The following MYPOP variants were observed in gnomAD, a reference collection of about 807,000 sequenced individuals.
The protein encoded by MYPOP is myb-related transcription factor, partner of profilin.
A neutral mutation model predicts 25.7 loss-of-function variants in MYPOP; 21 were observed. The ratio of observed to expected loss-of-function variants is 0.82; its 90% confidence interval spans 0.58 to 1.18. The LOEUF is 1.18. MYPOP is among the 50% of genes most tolerant of loss of function. MYPOP has a pLI of 0.00. For synonymous variants in MYPOP, 280 were observed against 247.9 expected (o/e 1.13, Z -1.22); for missense variants, 566 against 588.3 (o/e 0.96, Z 0.39).
intron 2 of MYPOP, among the ~76,000 whole-genome samples, chr19:45,895,269 G>A (rs190594072): frequency 1.3e-5 from 2 of 151,508 alleles, no homozygotes; most frequent in East Asian, 2.0e-4. Flanking sequence ...TTTTTGAGAC[G>A]GACTCTCATT....
Position 45,901,763 on chromosome 19 carries a change from G to A in MYPOP, c.11C>T (p.Ala4Val). ...GGTTTCCTCCGCTTCGCCCGCCGCC[G>A]CCGAGGCCATGGCGCCCCCCGACGC... is the stretch of plus-strand genomic sequence containing the variant. The part of the protein sequence containing the change: MAS[A>V]AAGEAEETTR... The change falls in exon 2 of 3, where the codon GCG (alanine) becomes GTG (valine). Residue 4 changes from alanine to valine, a missense_variant. Coordinates refer to ENST00000322217, the MANE Select transcript of MYPOP (RefSeq NM_001012643.4). This position sits in a 1 kb window ranked among gnomAD's most constrained non-coding sequence, Gnocchi z 5.7. The A allele has an allele frequency of 6.8e-7, 1 of 1,471,050 alleles. No homozygotes were observed. Among genetic ancestry groups the A allele is most frequent in the Non-Finnish European group, 9.0e-7 (1 of 1,113,132 alleles). 91.1% of individuals were successfully genotyped at this position (1,471,050 alleles called of 1,614,324 possible). A position where few individuals can be genotyped will look rare whatever the true frequency, so the allele number is the denominator to read the frequency against.
chr19:45,892,862 T>C (rs1188480830), intron 2 of MYPOP, among the ~76,000 whole-genome samples: 1 of 152,188 alleles, frequency 6.6e-6, no homozygotes, highest in Non-Finnish European at 1.5e-5. Context: ...CCTGACAGTA[T>C]CTTTTTCCAC....
chr19:45,893,752 C>T (rs1967160341), intron 2 of MYPOP, among the ~76,000 whole-genome samples: 1 of 150,882 alleles, frequency 6.6e-6, no homozygotes, highest in African/African-American at 2.4e-5. Context: ...TCTGAATATA[C>T]TAAAAGCCAT....
At chr19:45,898,047 C>T (rs1040005562) in intron 2 of MYPOP, among the ~76,000 whole-genome samples, 1 of 152,046 alleles carries the variant, frequency 6.6e-6, no homozygotes, top group African/African-American at 2.4e-5. Flanking sequence ...CCTCAGCCTC[C>T]TGAGTACCTG....
At chr19:45,891,675 C>T (rs1381564017) in intron 2 of MYPOP, among the ~76,000 whole-genome samples, 3 of 152,160 alleles carry the variant, frequency 2.0e-5, no homozygotes, top group East Asian at 1.9e-4. Flanking sequence ...TGACCTCAGG[C>T]GATCCGCCCG....
intron 2 of MYPOP, among the ~76,000 whole-genome samples, chr19:45,899,566 G>A (rs768570709): frequency 3.0e-4 from 46 of 152,198 alleles, no homozygotes; most frequent in South Asian, 6.2e-4. Flanking sequence ...CAGGCCGGGC[G>A]TGGTGGCTCA....
At chr19:45,893,991 G>A (rs1196441488) in intron 2 of MYPOP, among the ~76,000 whole-genome samples, 1 of 149,874 alleles carries the variant, frequency 6.7e-6, no homozygotes, top group East Asian at 2.0e-4. Context: ...GGGTTTCACT[G>A]TGTTAGCCAG....
At chr19:45,897,506 C>T (rs1286916286) in intron 2 of MYPOP, among the ~76,000 whole-genome samples, 2 of 152,180 alleles carry the variant, frequency 1.3e-5, no homozygotes, top group Non-Finnish European at 2.9e-5. Flanking sequence ...AGTAGCCCAG[C>T]CTTCATGCCC....
intron 2 of MYPOP, among the ~76,000 whole-genome samples, chr19:45,897,289 C>T (rs530462746): frequency 6.6e-6 from 1 of 151,786 alleles, no homozygotes; most frequent in Non-Finnish European, 1.5e-5. Flanking sequence ...TCTCAAACTC[C>T]TGGCCTCAAG....
Position 45,902,604 on chromosome 19 carries a change from G to A in MYPOP, c.-87C>T, listed in dbSNP as rs912401979. On this transcript the variant is annotated 5_prime_UTR_variant, in exon 1 of 3. Transcript: ENST00000322217. ...CGCAGCCGCCGGTGGGTCAGGGCTC[G>A]GGCTTCTGCGGCCTGTTCCCACCCC... The A allele has an allele frequency of 6.6e-6, 1 of 152,196 alleles. No individual in the cohort carries two copies. Among genetic ancestry groups the A allele is most frequent in the Admixed American group, 6.5e-5 (1 of 15,284 alleles). The allele number at this position is 152,196 out of a possible 1,614,324, so 9.4% of individuals were successfully genotyped here.
Position 45,893,136 on chromosome 19 carries a change from A to G in MYPOP, c.500-1813T>C, listed in dbSNP as rs572441995. On this transcript the variant is annotated intron_variant, in intron 2 of 2. Transcript: ENST00000322217. The stretch of plus-strand genomic sequence containing the variant: ...TAAAAATACAAAAAATTAGCCGGGC[A>G]TGGTGGCATATGCCTGTAATCCCAG... Among the ~76,000 whole-genome samples the G allele has an allele frequency of 2.4e-3, 367 of 152,162 alleles. 3 individuals carry two copies. The highest frequency in any genetic ancestry group is 8.4e-3 in the African/African-American group (350 of 41,504).
At position 45,891,444 on chromosome 19, in the gene MYPOP, G is replaced by A. The variant is rs1276582181; in HGVS notation, c.500-121C>T. 2.8e-4 allele frequency: 300 copies of A among 1,066,098 alleles called. 2 individuals are homozygous for A. In the East Asian group the frequency reaches 8.9e-3, roughly 32 times the overall value. 66.0% of individuals were successfully genotyped at this position (1,066,098 alleles called of 1,614,324 possible). A position where few individuals can be genotyped will look rare whatever the true frequency, so the allele number is the denominator to read the frequency against. ...ACCCAGAACTATCCTTCTCACCCCC[G>A]CCCCCCAGCCCCAAGACAGTCTTGG... On this transcript the variant is annotated intron_variant, in intron 2 of 2. Coordinates refer to ENST00000322217, the MANE Select transcript of MYPOP (RefSeq NM_001012643.4).
Position 45,890,938 on chromosome 19 carries a change from C to T in MYPOP, c.885G>A (p.Leu295=). The T allele has an allele frequency of 6.9e-7, 1 of 1,456,706 alleles. No homozygotes were observed. The highest frequency in any genetic ancestry group is 9.0e-7 in the Non-Finnish European group (1 of 1,105,068). 90.2% of individuals were successfully genotyped at this position (1,456,706 alleles called of 1,614,324 possible). A position where few individuals can be genotyped will look rare whatever the true frequency, so the allele number is the denominator to read the frequency against. Residue 295 remains leucine (L), a synonymous_variant, in exon 3 of 3, where the codon CTG becomes CTA. Transcript: ENST00000322217. ...AKLSEALSAL[L]PLLPGTPVDS... is the part of the protein sequence containing the mutation. Reference sequence around the variant, plus strand: ...CAACTGGGGTTCCTGGCAGAAGGGGCAGCAGAGCGCTGAGGGCCTCGCTCA... The same window carrying T: ...CAACTGGGGTTCCTGGCAGAAGGGGTAGCAGAGCGCTGAGGGCCTCGCTCA...
At chr19:45,895,250 CT>C (rs1967186005) in intron 2 of MYPOP, among the ~76,000 whole-genome samples, 1 of 151,380 alleles carries the variant, frequency 6.6e-6, no homozygotes, top group South Asian at 2.1e-4. Context: ...AGGCCTACTT[CT>C]TTTCTTTTTT....
At chr19:45,893,991 G>C (rs1196441488) in intron 2 of MYPOP, among the ~76,000 whole-genome samples, 1 of 149,754 alleles carries the variant, frequency 6.7e-6, no homozygotes, top group Non-Finnish European at 1.5e-5. Flanking sequence ...GGGTTTCACT[G>C]TGTTAGCCAG....
At chr19:45,898,004 A>G (rs1600570269) in intron 2 of MYPOP, among the ~76,000 whole-genome samples, 1 of 150,648 alleles carries the variant, frequency 6.6e-6, no homozygotes, top group African/African-American at 2.4e-5. Context: ...ACTCACTGCA[A>G]CCTCCACCTC....
chr19:45,892,053 G>T (rs1967134451), intron 2 of MYPOP, among the ~76,000 whole-genome samples: 1 of 152,160 alleles, frequency 6.6e-6, no homozygotes, highest in South Asian at 2.1e-4. Flanking sequence ...CTAAGTAGCT[G>T]GGATTACAGG....
At chr19:45,900,943 C>T (rs1404821441) in intron 2 of MYPOP, among the ~76,000 whole-genome samples, 1 of 152,182 alleles carries the variant, frequency 6.6e-6, no homozygotes, top group Non-Finnish European at 1.5e-5. Context: ...ACTCAGATGA[C>T]ACAGTTCAGT....
chr19:45,891,672 A>C (rs2146374873), intron 2 of MYPOP, among the ~76,000 whole-genome samples: 1 of 152,248 alleles, frequency 6.6e-6, no homozygotes, highest in East Asian at 1.9e-4. Flanking sequence ...TCCTGACCTC[A>C]GGCGATCCGC....
Sources: allele counts gnomAD v4.1 joint callset (sites outside exome capture counted in the v4.1 genomes callset), GRCh38; gene constraint gnomAD v4.1.1; non-coding constraint Gnocchi (gnomAD v3.1); transcripts MANE v1.5; gene names NCBI Gene and HGNC (gene_info 2026-07-23, HGNC 2026-07-21).